Variants in PTPN21 observed in about 807,000 individuals in gnomAD.
The protein encoded by PTPN21 is protein tyrosine phosphatase non-receptor type 21.
In PTPN21, 77 loss-of-function variants were observed where a neutral mutation model predicts 131.8. That is an observed-to-expected ratio of 0.58 (90% CI 0.49 to 0.71). The LOEUF is 0.71. PTPN21 is among the 30% of genes least tolerant of loss of function. The pLI is 0.00. For missense variants in PTPN21, 1,552 were observed against 1,527.1 expected (o/e 1.02, Z -0.27); for synonymous variants, 715 against 621.3 (o/e 1.15, Z -2.24).
rs137926214 is a variant in PTPN21, at chr14:88,539,939, G to A, written c.180+10299C>T. On this transcript the variant is annotated intron_variant, in intron 2 of 18. Coordinates refer to ENST00000556564, the MANE Select transcript of PTPN21 (RefSeq NM_007039.4). ...AGGTGTCAATCATAAAAACACAGGC[G>A]AATCAAGTATGCAAGTGTCTACATA... is the stretch of plus-strand genomic sequence containing the variant. 1.2e-3 allele frequency among the ~76,000 whole-genome samples: 178 copies of A among 152,164 alleles called. 1 individual carries two copies. The highest frequency in any genetic ancestry group is 0.01 in the Middle Eastern group (3 of 294).
At position 88,465,830 on chromosome 14, in the gene PTPN21, TAA is replaced by T. The variant is rs1454556599; in HGVS notation, c.*2305_*2306del. 6.6e-6 allele frequency: 1 copy of T among 152,214 alleles called. No individual in the cohort carries two copies. Among genetic ancestry groups the T allele is most frequent in the African/African-American group, 2.4e-5 (1 of 41,452 alleles). The allele number at this position is 152,214 out of a possible 1,614,324, so 9.4% of individuals were successfully genotyped here. On this transcript the variant is annotated 3_prime_UTR_variant, in exon 19 of 19. Transcript: ENST00000556564. ...TCCTTTCATATTCACTAACTGCAAT[TAA>T]AAGTTTAAAATTACATGGCTCTTAG...
intron 8 of PTPN21, among the ~76,000 whole-genome samples, chr14:88,497,987 G>GC (rs2077948580): frequency 6.6e-6 from 1 of 152,006 alleles, no homozygotes; most frequent in East Asian, 1.9e-4. Flanking sequence ...TGCAATCCCA[G>GC]CTACTTGGGA....
chr14:88,521,341 C>A (rs1007125374), intron 2 of PTPN21, among the ~76,000 whole-genome samples: 1 of 152,036 alleles, frequency 6.6e-6, no homozygotes, highest in Admixed American at 6.6e-5. Flanking sequence ...GTACCACATT[C>A]GGTCTATAAT....
In PTPN21 at chr14:88,468,252, G is replaced by A. The variant is rs757633402; in HGVS notation, c.3410C>T (p.Pro1137Leu). The A allele has an allele frequency of 1.4e-5, 22 of 1,604,916 alleles. No homozygotes were observed. Among genetic ancestry groups the A allele is most frequent in the South Asian group, 5.6e-5 (5 of 89,466 alleles). ...TTGCCTCAGCATGTCCAGCACTCTC[G>A]GGATGTCCAGCACCTAGGTTGAGAG... ...CLEHNEVLDI[P>L]RVLDMLRQQR... Residue 1137 changes from proline (P) to leucine (L), a missense_variant, in exon 19 of 19, where the codon CCG becomes CTG. Coordinates refer to ENST00000556564, the MANE Select transcript of PTPN21 (RefSeq NM_007039.4).
At position 88,549,651 on chromosome 14, in the gene PTPN21, T is replaced by G. The variant is rs2078831422; in HGVS notation, c.180+587A>C. ...ACAGAGTTTGTTGCCCAGGCTGGAG[T>G]GCAGTGCTGTGATCTCAGCTCACTG... On this transcript the variant is annotated intron_variant, in intron 2 of 18. Coordinates refer to ENST00000556564, the MANE Select transcript of PTPN21 (RefSeq NM_007039.4). 2.0e-5 allele frequency among the ~76,000 whole-genome samples: 3 copies of G among 152,124 alleles called. No individual in the cohort carries two copies. In the South Asian group the frequency reaches 6.2e-4, roughly 32 times the overall value.
At chr14:88,508,072 A>G (rs190423566) in intron 3 of PTPN21, 52 bp from the exon 4 acceptor site, 2 of 988,624 alleles carry the variant, frequency 2.0e-6, no homozygotes, top group South Asian at 3.1e-5. Flanking sequence ...TCTCATTGAG[A>G]TACAATGCAT....
chr14:88,499,759 C>A (rs1485407649), intron 8 of PTPN21, among the ~76,000 whole-genome samples: 1 of 152,136 alleles, frequency 6.6e-6, no homozygotes, highest in African/African-American at 2.4e-5. Flanking sequence ...GTTTTCCTGC[C>A]TTATAAAAAC....
At chr14:88,501,940 G>A (rs1414910703) in intron 6 of PTPN21, among the ~76,000 whole-genome samples, 1 of 151,754 alleles carries the variant, frequency 6.6e-6, no homozygotes, top group Non-Finnish European at 1.5e-5. Flanking sequence ...AGCTATGATC[G>A]CTCCACTGCA....
At position 88,502,676 on chromosome 14, in the gene PTPN21, C is replaced by G. The variant is rs559265943; in HGVS notation, c.588-1308G>C. On this transcript the variant is annotated intron_variant, in intron 6 of 18. Transcript: ENST00000556564. ...ATGAATAAATGGAAGTGACAAAAGG[C>G]AGGACAATGTGTGCCTGAGGGACCA... Among the ~76,000 whole-genome samples, 5 of 152,226 alleles carry G rather than the reference C, an allele frequency of 3.3e-5. No homozygotes were observed. The South Asian group carries it at 1.0e-3, about 32-fold the overall frequency.
In PTPN21 at chr14:88,467,450, T is replaced by G. The variant is rs2077382017; in HGVS notation, c.*687A>C. The G allele has an allele frequency of 6.6e-6, 1 of 152,094 alleles. No individual in the cohort carries two copies. The highest frequency in any genetic ancestry group is 1.5e-5 in the Non-Finnish European group (1 of 68,044). 9.4% of individuals were successfully genotyped at this position (152,094 alleles called of 1,614,324 possible). Reference sequence around the variant, plus strand: ...ACATTAACTGACTCATTTCAGTATCTAAATGAATTGAGCTCTCATTTGAAA... The same window carrying G: ...ACATTAACTGACTCATTTCAGTATCGAAATGAATTGAGCTCTCATTTGAAA... On this transcript the variant is annotated 3_prime_UTR_variant, in exon 19 of 19. Coordinates refer to ENST00000556564, the MANE Select transcript of PTPN21 (RefSeq NM_007039.4).
At chr14:88,513,854 A>G (rs2078222532) in intron 3 of PTPN21, 1 of 152,134 alleles carries the variant, frequency 6.6e-6, no homozygotes, top group African/African-American at 2.4e-5. Flanking sequence ...GTCTGTTGGC[A>G]TGAAGTGTTT....
chr14:88,550,735 A>G (rs991724470), intron 1 of PTPN21, 116 bp from the exon 2 acceptor site: 9 of 245,854 alleles, frequency 3.7e-5, no homozygotes, highest in Admixed American at 5.0e-5. Context: ...ACTGGAAAAA[A>G]GGCACTAACA....
chr14:88,470,717 T>C (rs920499414), intron 15 of PTPN21, among the ~76,000 whole-genome samples: 1 of 152,254 alleles, frequency 6.6e-6, no homozygotes, highest in Non-Finnish European at 1.5e-5. Context: ...GCCAGCCCCC[T>C]AGTCACCGCT....
chr14:88,526,656 A>T (rs922622836), intron 2 of PTPN21, among the ~76,000 whole-genome samples: 2 of 151,342 alleles, frequency 1.3e-5, no homozygotes, highest in African/African-American at 4.8e-5. Context: ...AAAGTAAATA[A>T]TTTTATTTTT....
intron 2 of PTPN21, among the ~76,000 whole-genome samples, chr14:88,518,310 G>A (rs1315386003): frequency 4.8e-5 from 4 of 83,322 alleles, no homozygotes; most frequent in Non-Finnish European, 8.8e-5. Context: ...ACATATATGT[G>A]TATATATACG....
intron 1 of PTPN21, among the ~76,000 whole-genome samples, chr14:88,550,879 C>T (rs2078856334): frequency 6.6e-6 from 1 of 152,176 alleles, no homozygotes; most frequent in African/African-American, 2.4e-5. Flanking sequence ...TAATAGCCAG[C>T]ACTACTATAA....
At chr14:88,522,144 A>G (rs2078403853) in intron 2 of PTPN21, among the ~76,000 whole-genome samples, 2 of 152,128 alleles carry the variant, frequency 1.3e-5, no homozygotes, top group Non-Finnish European at 2.9e-5. Context: ...TGGTGGGCTT[A>G]GGCCGGGCGT....
intron 10 of PTPN21, among the ~76,000 whole-genome samples, chr14:88,492,745 C>A (rs1330962458): frequency 6.6e-6 from 1 of 152,216 alleles, no homozygotes; most frequent in Non-Finnish European, 1.5e-5. Context: ...GCCTCCACCC[C>A]ATGCCTCATT....
intron 2 of PTPN21, among the ~76,000 whole-genome samples, chr14:88,525,803 T>A (rs1015143987): frequency 6.6e-6 from 1 of 152,224 alleles, no homozygotes; most frequent in Non-Finnish European, 1.5e-5. Flanking sequence ...ACAAGCCAAA[T>A]GTCCATCAAT....
Sources: gnomAD v4.1 joint callset for allele counts (sites outside exome capture counted in the v4.1 genomes callset) on GRCh38, gnomAD v4.1.1 for gene constraint, MANE v1.5 for transcripts, NCBI Gene and HGNC (gene_info 2026-07-23, HGNC 2026-07-21) for gene names.